OPCML: variants seen among roughly 807,000 people sequenced by gnomAD.
OPCML encodes the protein opioid binding protein/cell adhesion molecule like.
Under a neutral mutation model 37.8 loss-of-function variants are expected in OPCML, and 13 were observed. The ratio of observed to expected loss-of-function variants is 0.34; its 90% CI spans 0.22 to 0.55. OPCML has a LOEUF of 0.55. Ranked by LOEUF, OPCML falls within the 20% of genes least tolerant of loss-of-function variation. The pLI is 0.91. For synonymous variants in OPCML, 176 were observed against 168.8 expected (o/e 1.04, Z -0.33); for missense variants, 341 against 435.6 (o/e 0.78, Z 1.93).
chr11:132,944,061 G>A lies in OPCML; in HGVS notation c.62-1051C>T, dbSNP rs550357213. ...CGGGCGGGCGCCCACCTTAACCTCC[G>A]CCGCGCCCACCGGGCTGGGGATGCC... On this transcript the variant is annotated intron_variant, in intron 1 of 7. Transcript: ENST00000524381. Among the ~76,000 whole-genome samples, 591 of 151,988 alleles carry A rather than the reference G, an allele frequency of 3.9e-3. 2 individuals carry two copies. Among genetic ancestry groups the A allele is most frequent in the Non-Finnish European group, 4.4e-3 (297 of 67,860 alleles).
chr11:132,822,340 T>C (rs1940045299), intron 2 of OPCML, among the ~76,000 whole-genome samples: 1 of 152,034 alleles, frequency 6.6e-6, no homozygotes, highest in Admixed American at 6.5e-5. Flanking sequence ...CCATATTTCT[T>C]TCCACCATTT....
At chr11:132,930,692 T>A (rs1311079082) in intron 2 of OPCML, among the ~76,000 whole-genome samples, 1 of 152,110 alleles carries the variant, frequency 6.6e-6, no homozygotes, top group Admixed American at 6.5e-5. Context: ...CATCAAAACA[T>A]TGTTGAAATA....
At chr11:133,169,914 C>T (rs1565483927) in intron 1 of OPCML, among the ~76,000 whole-genome samples, 1 of 151,968 alleles carries the variant, frequency 6.6e-6, no homozygotes, top group Admixed American at 6.6e-5. Flanking sequence ...AAAATTAAAG[C>T]TAAATAAAAT....
At chr11:132,442,660 C>T (rs186214918) in intron 4 of OPCML, among the ~76,000 whole-genome samples, 370 of 152,282 alleles carry the variant, frequency 2.4e-3, no homozygotes, top group African/African-American at 8.3e-3. Flanking sequence ...AAGGGCAGGG[C>T]CAGGTGGAAA....
At chr11:133,430,955 T>C (rs1201891116) in intron 1 of OPCML, among the ~76,000 whole-genome samples, 2 of 152,196 alleles carry the variant, frequency 1.3e-5, no homozygotes, top group East Asian at 3.9e-4. Flanking sequence ...TTGGCTTTAT[T>C]AGTAACTTTA....
At chr11:132,612,457 C>T (rs1938710606) in intron 3 of OPCML, among the ~76,000 whole-genome samples, 1 of 152,150 alleles carries the variant, frequency 6.6e-6, no homozygotes, top group African/African-American at 2.4e-5. Flanking sequence ...GAATAGCAGA[C>T]TGTGAAACCT....
intron 1 of OPCML, among the ~76,000 whole-genome samples, chr11:133,191,988 G>C (rs995655854): frequency 5.9e-5 from 9 of 152,148 alleles, no homozygotes; most frequent in African/African-American, 2.2e-4. Context: ...ACTGTCTGCT[G>C]TTTTTAGTTC....
intron 4 of OPCML, among the ~76,000 whole-genome samples, chr11:132,482,709 A>C (rs1050527956): frequency 6.6e-6 from 1 of 152,204 alleles, no homozygotes; most frequent in African/African-American, 2.4e-5. Flanking sequence ...CACATCAAAA[A>C]GCTTATCCAC....
intron 3 of OPCML, among the ~76,000 whole-genome samples, chr11:132,645,716 A>C (rs990307277): frequency 1.3e-5 from 2 of 152,242 alleles, no homozygotes; most frequent in Non-Finnish European, 2.9e-5. Flanking sequence ...AAATTGTGCA[A>C]TATGATAGCT....
intron 7 of OPCML, among the ~76,000 whole-genome samples, chr11:132,421,797 G>C (rs1032094402): frequency 5.9e-5 from 9 of 152,178 alleles, no homozygotes; most frequent in African/African-American, 2.2e-4. Context: ...TAGCCTGACT[G>C]TGGGGCCTCC....
chr11:132,654,960 G>A (rs550702816), intron 3 of OPCML, among the ~76,000 whole-genome samples: 4 of 151,966 alleles, frequency 2.6e-5, no homozygotes, highest in Non-Finnish European at 5.9e-5. Context: ...ATGCCATGCT[G>A]TCCTTAGACT....
intron 1 of OPCML, among the ~76,000 whole-genome samples, chr11:133,186,577 C>A (rs1938085875): frequency 1.3e-5 from 2 of 152,070 alleles, no homozygotes; most frequent in African/African-American, 4.8e-5. Context: ...TTTCCACTCA[C>A]CTCCTCGCTA....
At chr11:133,114,435 A>G (rs766149210) in intron 1 of OPCML, among the ~76,000 whole-genome samples, 7 of 152,268 alleles carry the variant, frequency 4.6e-5, no homozygotes, top group Non-Finnish European at 8.8e-5. Flanking sequence ...TCAAAATCTT[A>G]TAATTACACA....
At chr11:132,861,982 GT>G (rs1490501668) in intron 2 of OPCML, among the ~76,000 whole-genome samples, 1 of 151,886 alleles carries the variant, frequency 6.6e-6, no homozygotes, top group East Asian at 1.9e-4. Flanking sequence ...ATTTCTTCGA[GT>G]TACATTGTAT....
At chr11:133,256,704 C>T (rs1382834332) in intron 1 of OPCML, among the ~76,000 whole-genome samples, 1 of 152,138 alleles carries the variant, frequency 6.6e-6, no homozygotes, top group Admixed American at 6.5e-5. Context: ...CTTTAAAAAT[C>T]AATGTATTTA....
intron 3 of OPCML, among the ~76,000 whole-genome samples, chr11:132,629,478 G>T (rs982210875): frequency 2.0e-5 from 3 of 152,088 alleles, no homozygotes; most frequent in Non-Finnish European, 4.4e-5. Flanking sequence ...CTTCAGTGAG[G>T]TTTTATCTGG....
At chr11:133,310,583 G>A (rs1943045673) in intron 1 of OPCML, among the ~76,000 whole-genome samples, 1 of 151,734 alleles carries the variant, frequency 6.6e-6, no homozygotes, top group Non-Finnish European at 1.5e-5. Flanking sequence ...ATGCTTTTTT[G>A]GGCCCTGTAC....
chr11:133,044,478 G>A (rs1284420172), intron 1 of OPCML, among the ~76,000 whole-genome samples: 1 of 152,104 alleles, frequency 6.6e-6, no homozygotes, highest in Non-Finnish European at 1.5e-5. Context: ...TTAAGGGACT[G>A]AGTCACACCA....
chr11:133,344,156 C>T (rs570205941), intron 1 of OPCML, among the ~76,000 whole-genome samples: 1 of 152,324 alleles, frequency 6.6e-6, no homozygotes, highest in East Asian at 1.9e-4. Flanking sequence ...CCCTCCCTAA[C>T]TTCCGGTTTA....
Sources: allele counts gnomAD v4.1 joint callset (sites outside exome capture counted in the v4.1 genomes callset), GRCh38; gene constraint gnomAD v4.1.1; transcripts MANE v1.5; gene names NCBI Gene and HGNC (gene_info 2026-07-23, HGNC 2026-07-21).